MTO1: variants seen among roughly 807,000 people sequenced by gnomAD.
MTO1 encodes 5-taurinomethyluridine-[tRNA] synthase subunit MTO1, mitochondrial.
A neutral mutation model predicts 71.6 loss-of-function variants in MTO1; 46 were observed. The observed-to-expected ratio is 0.64, with a 90% CI of 0.51 to 0.82. MTO1 has a LOEUF of 0.82. Ranked by LOEUF, MTO1 falls within the 40% of genes least tolerant of loss-of-function variation. The pLI, the probability that MTO1 is intolerant of heterozygous loss-of-function variation, is 0.00. For synonymous variants in MTO1, 297 were observed against 312.1 expected, an observed-to-expected ratio of 0.95 and a Z score of 0.51; for missense variants, 773 against 867.5, an observed-to-expected ratio of 0.89 and a Z score of 1.37.
At chr6:73,484,704 G>A (rs965046263) in intron 9 of MTO1, among the ~76,000 whole-genome samples, 1 of 152,128 alleles carries the variant, frequency 6.6e-6, no homozygotes, top group Non-Finnish European at 1.5e-5. Context: ...TTCTCCAGCT[G>A]TTTATTCATT....
At chr6:73,484,360 G>A (rs1048475328) in intron 9 of MTO1, among the ~76,000 whole-genome samples, 1 of 152,158 alleles carries the variant, frequency 6.6e-6, no homozygotes, top group African/African-American at 2.4e-5. Context: ...GGCACCAGCA[G>A]ATTAGGTGTC....
At position 73,466,611 on chromosome 6, in the gene MTO1, G is replaced by T. The variant is rs1405997705; in HGVS notation, c.535+5G>T. 6.2e-7 allele frequency: 1 copy of T among 1,607,016 alleles called. No individual in the cohort carries two copies. ...GTGTCAGTGGGGTTGTTTTGGGTACGTATTGGTTATAGATGGTGTATGATA... is the reference window on the plus strand; with the variant it reads ...GTGTCAGTGGGGTTGTTTTGGGTACTTATTGGTTATAGATGGTGTATGATA... On this transcript the variant is annotated splice_donor_5th_base_variant and intron_variant, in intron 3 of 11. Transcript: ENST00000498286.
At chr6:73,485,445 T>C (rs1421727163) in intron 9 of MTO1, among the ~76,000 whole-genome samples, 5 of 151,522 alleles carry the variant, frequency 3.3e-5, no homozygotes, top group African/African-American at 1.2e-4. Flanking sequence ...TTCTTTCTTT[T>C]TTTTTTTTTT....
intron 9 of MTO1, among the ~76,000 whole-genome samples, chr6:73,482,984 G>A (rs1047354598): frequency 1.6e-4 from 25 of 151,670 alleles, no homozygotes; most frequent in African/African-American, 5.8e-4. Context: ...AGTAGAGATG[G>A]GGTTTCACTG....
At chr6:73,480,500 C>A (rs552562289) in intron 6 of MTO1, 175 bp from the exon 7 acceptor site, 270 of 707,424 alleles carry the variant, frequency 3.8e-4, no homozygotes, top group Admixed American at 4.6e-4. Context: ...AAACTCCCGA[C>A]CTCAGGTGAT....
chr6:73,486,233 C>G (rs1771649838), intron 9 of MTO1, among the ~76,000 whole-genome samples: 1 of 151,902 alleles, frequency 6.6e-6, no homozygotes, highest in South Asian at 2.1e-4. Flanking sequence ...ATAATCCCCC[C>G]AAAAAAGAAC....
At chr6:73,485,980 G>A (rs935624802) in intron 9 of MTO1, among the ~76,000 whole-genome samples, 3 of 152,154 alleles carry the variant, frequency 2.0e-5, no homozygotes, top group South Asian at 2.1e-4. Context: ...GGATTACAGA[G>A]AAATGTATTG....
At chr6:73,495,527 T>C (rs1026786129) in intron 10 of MTO1, among the ~76,000 whole-genome samples, 3 of 152,010 alleles carry the variant, frequency 2.0e-5, no homozygotes, top group African/African-American at 7.2e-5. Flanking sequence ...TTAAAGACTC[T>C]GGCATATATA....
At chr6:73,494,743 T>C (rs993038434) in intron 10 of MTO1, among the ~76,000 whole-genome samples, 6 of 150,152 alleles carry the variant, frequency 4.0e-5, no homozygotes, top group Non-Finnish European at 7.4e-5. Flanking sequence ...CCCAAAGTGC[T>C]GGGATTACAG....
At position 73,508,904 on chromosome 6, in the gene MTO1, G is replaced by C. The variant is rs564444821; in HGVS notation, c.*8169G>C. The C allele has an allele frequency of 4.6e-5, 7 of 152,288 alleles. No homozygotes were observed. The highest frequency in any genetic ancestry group is 7.2e-5 in the African/African-American group (3 of 41,550). 9.4% of individuals were successfully genotyped at this position (152,288 alleles called of 1,614,324 possible). A position where few individuals can be genotyped will look rare whatever the true frequency, so the allele number is the denominator to read the frequency against. On this transcript the variant is annotated 3_prime_UTR_variant, in exon 12 of 12. Coordinates refer to ENST00000498286, the MANE Select transcript of MTO1 (RefSeq NM_012123.4). Reference sequence around the variant, plus strand: ...TGCTCCACGAGGTTCTTCTTTTGTTGCACCAATATAGCTGCACTGTTATAC... The same window carrying C: ...TGCTCCACGAGGTTCTTCTTTTGTTCCACCAATATAGCTGCACTGTTATAC...
chr6:73,488,475 T>G (rs1351214087), intron 9 of MTO1, among the ~76,000 whole-genome samples: 1 of 152,164 alleles, frequency 6.6e-6, no homozygotes, highest in African/African-American at 2.4e-5. Context: ...CCTCGCCAGA[T>G]TTTTTTATTG....
rs1408899723 is a variant in MTO1 at position 73,474,551 on chromosome 6, C to T, written c.825+897C>T. 5.3e-5 allele frequency among the ~76,000 whole-genome samples: 8 copies of T among 152,202 alleles called. No homozygotes were observed. In the South Asian group the frequency reaches 6.2e-4, roughly 12 times the overall value. ...GCAACTTCCGCATCCTGGGTTCAAG[C>T]GATTCTCCCACCTCAGCCTCCCTAG... On this transcript the variant is annotated intron_variant, in intron 4 of 11. Coordinates refer to ENST00000498286, the MANE Select transcript of MTO1 (RefSeq NM_012123.4).
In MTO1 at chr6:73,462,102, G is replaced by T. The variant is rs375900883; in HGVS notation, c.217+31G>T. On this transcript the variant is annotated intron_variant, in intron 1 of 11. Transcript: ENST00000498286. ...GAGCGCGGGTGCTGTGGAACTTGGC[G>T]TAGGACGCAGGCTGCTTCCTTCCCG... 7.5e-5 allele frequency: 121 copies of T among 1,605,604 alleles called. No homozygotes were observed. In the African/African-American group the frequency reaches 1.5e-3, roughly 20 times the overall value.
chr6:73,496,132 C>G (rs772075755), intron 10 of MTO1, among the ~76,000 whole-genome samples: 56 of 152,156 alleles, frequency 3.7e-4, no homozygotes, highest in Non-Finnish European at 6.3e-4. Flanking sequence ...TGATGATGTA[C>G]GCATAGTCAG....
chr6:73,488,171 G>T (rs1455065322), intron 9 of MTO1, among the ~76,000 whole-genome samples: 1 of 151,926 alleles, frequency 6.6e-6, no homozygotes, highest in East Asian at 1.9e-4. Flanking sequence ...TTTTAAATCA[G>T]TTGTTTAGGT....
chr6:73,493,572 G>A (rs1016582900), intron 10 of MTO1, among the ~76,000 whole-genome samples: 1 of 151,532 alleles, frequency 6.6e-6, no homozygotes, highest in Non-Finnish European at 1.5e-5. Flanking sequence ...TGTATTTTTA[G>A]TAGAGACAGG....
In MTO1 at chr6:73,492,308, A is replaced by C; in HGVS notation, c.1712A>C (p.Lys571Thr). The C allele has an allele frequency of 6.2e-7, 1 of 1,613,808 alleles. No individual in the cohort carries two copies. Among genetic ancestry groups the C allele is most frequent in the Non-Finnish European group, 8.5e-7 (1 of 1,179,724 alleles). ...LAKAVPEPLKKYTKCRELAER... is the reference protein window; with the variant it reads ...LAKAVPEPLKTYTKCRELAER... The stretch of plus-strand genomic sequence containing the variant: ...AAGGCTGTTCCAGAGCCCTTGAAGA[A>C]GTATACTAAATGTAGAGAGCTGGCT... Residue 571 changes from lysine (K) to threonine (T), a missense_variant, in exon 10 of 12, where the codon AAG becomes ACG. Coordinates refer to ENST00000498286, the MANE Select transcript of MTO1 (RefSeq NM_012123.4).
At position 73,507,385 on chromosome 6, in the gene MTO1, A is replaced by G. The variant is rs74876960; in HGVS notation, c.*6650A>G. 3.3e-5 allele frequency: 5 copies of G among 152,318 alleles called. No homozygotes were observed. In the East Asian group the frequency reaches 9.6e-4, roughly 29 times the overall value. 9.4% of individuals were successfully genotyped at this position (152,318 alleles called of 1,614,324 possible). On this transcript the variant is annotated 3_prime_UTR_variant, in exon 12 of 12. Transcript: ENST00000498286. ...GGATCACAGTCAAAAGTTTGAAAAAACACAATCTGTTTGAACAGCACTACT... is the reference window on the plus strand; with the variant it reads ...GGATCACAGTCAAAAGTTTGAAAAAGCACAATCTGTTTGAACAGCACTACT...
chr6:73,466,632 T>C, intron 3 of MTO1, 26 bp downstream of exon 3: 1 of 1,560,480 alleles, frequency 6.4e-7, no homozygotes, highest in Non-Finnish European at 8.8e-7. Flanking sequence ...AGATGGTGTA[T>C]GATAACAGCA....
Sources: gnomAD v4.1 joint callset for allele counts (sites outside exome capture counted in the v4.1 genomes callset) on GRCh38, gnomAD v4.1.1 for gene constraint, MANE v1.5 for transcripts, NCBI Gene and HGNC (gene_info 2026-07-23, HGNC 2026-07-21) for gene names.